SHANK2: variants seen among roughly 807,000 people sequenced by gnomAD.
SHANK2 encodes SH3 and multiple ankyrin repeat domains protein 2.
SHANK2 carries 43 observed loss-of-function variants against 133.7 expected under a neutral mutation model. That is an observed-to-expected ratio of 0.32 (90% CI 0.25 to 0.41). The LOEUF (loss-of-function observed/expected upper bound fraction) is 0.41, where lower values mean the gene tolerates loss of function less well. Ranked by LOEUF, SHANK2 falls within the 10% of genes least tolerant of loss-of-function variation. The probability of loss-of-function intolerance (pLI) is 1.00; values close to 1 mark genes in which losing one functional copy is unlikely to be tolerated. For synonymous variants in SHANK2, 1,017 were observed against 952.8 expected (o/e 1.07, Z -1.24); for missense variants, 1,994 against 2,235.8 (o/e 0.89, Z 2.18).
intron 10 of SHANK2, among the ~76,000 whole-genome samples, chr11:70,939,752 C>A (rs1328379750): frequency 2.6e-5 from 4 of 152,182 alleles, no homozygotes; most frequent in African/African-American, 9.7e-5. Context: ...TGGCTCCTCT[C>A]TTTAGAGGTA....
rs1326542254 is a variant in SHANK2 at position 70,784,353 on chromosome 11, T to G, written c.1777+14090A>C. On this transcript the variant is annotated intron_variant, in intron 14 of 25. Coordinates refer to ENST00000601538, the MANE Select transcript of SHANK2 (RefSeq NM_012309.5). ...CCACCACACCGGCTAGTTTTTTTTT[T>G]TTTTTTTTTTTTTTTTTTTTTTAAG... 3.1e-4 allele frequency among the ~76,000 whole-genome samples: 39 copies of G among 125,290 alleles called. 1 individual carries two copies. The highest frequency in any genetic ancestry group is 1.4e-3 in the Admixed American group (19 of 13,184). The allele number at this position is 125,290 out of a possible 152,430, so 82.2% of individuals were successfully genotyped here. A position where few individuals can be genotyped will look rare whatever the true frequency, so the allele number is the denominator to read the frequency against.
At position 71,102,454 on chromosome 11, in the gene SHANK2, G is replaced by T. The variant is rs375922244; in HGVS notation, c.592+7487C>A. On this transcript the variant is annotated intron_variant, in intron 6 of 25. Transcript: ENST00000601538. ...CCATGTCCAGCCCCAAAACAGGGAC[G>T]CGGGGCCCAGGTCTGCAGGGCCCGG... is the stretch of plus-strand genomic sequence containing the variant. Among the ~76,000 whole-genome samples the T allele has an allele frequency of 3.9e-4, 59 of 152,244 alleles. 1 individual carries two copies. In the East Asian group the frequency reaches 5.0e-3, roughly 13 times the overall value.
At chr11:70,951,133 T>A (rs1950830039) in intron 10 of SHANK2, 1 of 341,040 alleles carries the variant, frequency 2.9e-6, no homozygotes, top group South Asian at 2.2e-5. Context: ...TAAATTCATT[T>A]CCCCTGGCTG....
chr11:71,121,300 C>T (rs1409076043), intron 3 of SHANK2, among the ~76,000 whole-genome samples: 4 of 152,146 alleles, frequency 2.6e-5, no homozygotes, highest in African/African-American at 9.7e-5. Context: ...GAACTGTGCC[C>T]CTCTAAATAA....
At chr11:70,780,889 C>T (rs1371316788) in intron 14 of SHANK2, among the ~76,000 whole-genome samples, 1 of 152,184 alleles carries the variant, frequency 6.6e-6, no homozygotes, top group Non-Finnish European at 1.5e-5. Context: ...GACAGAACTT[C>T]TGTTTCACAA....
At chr11:70,954,346 C>G (rs1437577148) in intron 10 of SHANK2, among the ~76,000 whole-genome samples, 2 of 152,238 alleles carry the variant, frequency 1.3e-5, no homozygotes, top group African/African-American at 4.8e-5. Context: ...CGGACTGTCC[C>G]TCAACCACAC....
chr11:70,741,080 T>C (rs1392225248), intron 14 of SHANK2, among the ~76,000 whole-genome samples: 2 of 152,026 alleles, frequency 1.3e-5, no homozygotes, highest in African/African-American at 4.8e-5. Context: ...ATCCATCTCA[T>C]AAACTGAGCT....
chr11:70,774,605 G>A (rs185787016), intron 14 of SHANK2, among the ~76,000 whole-genome samples: 43 of 152,164 alleles, frequency 2.8e-4, no homozygotes, highest in African/African-American at 9.1e-4. Context: ...GTGAGCCACC[G>A]TGCCTGGTTG....
chr11:71,127,090 G>C (rs1331129476), intron 3 of SHANK2, among the ~76,000 whole-genome samples: 1 of 152,234 alleles, frequency 6.6e-6, no homozygotes, highest in African/African-American at 2.4e-5. Context: ...GGATGACTTT[G>C]AGGGATTCAA....
intron 2 of SHANK2, among the ~76,000 whole-genome samples, chr11:71,216,413 G>A (rs1374024695): frequency 6.6e-6 from 1 of 152,188 alleles, no homozygotes; most frequent in African/African-American, 2.4e-5. Context: ...TCCCAGATGG[G>A]CAAATCCGTA....
At chr11:71,067,042 G>C (rs1334500929) in intron 9 of SHANK2, among the ~76,000 whole-genome samples, 8 of 152,166 alleles carry the variant, frequency 5.3e-5, no homozygotes, top group Admixed American at 3.9e-4. Flanking sequence ...TGCATCTTCT[G>C]GCCTGTATAA....
At chr11:71,165,406 G>A (rs1452831757) in intron 2 of SHANK2, among the ~76,000 whole-genome samples, 3 of 152,142 alleles carry the variant, frequency 2.0e-5, no homozygotes, top group Non-Finnish European at 2.9e-5. Context: ...ACCTCATGGC[G>A]AGAGAATCTC....
chr11:70,907,526 T>C (rs1471248702), intron 10 of SHANK2: 1 of 172,234 alleles, frequency 5.8e-6, no homozygotes, highest in Admixed American at 5.8e-5. Flanking sequence ...ATGACTATCA[T>C]GAGAATTAAA....
chr11:70,747,279 C>G, intron 14 of SHANK2, among the ~76,000 whole-genome samples: 1 of 152,086 alleles, frequency 6.6e-6, no homozygotes, highest in East Asian at 1.9e-4. Context: ...CGGTGCCATG[C>G]TTAGGATTGC....
intron 9 of SHANK2, among the ~76,000 whole-genome samples, chr11:71,058,601 G>A (rs894453986): frequency 1.3e-5 from 2 of 152,228 alleles, no homozygotes; most frequent in South Asian, 2.1e-4. Context: ...GCCTGACACC[G>A]GGCTGGGGGC....
At chr11:70,647,346 G>A (rs1555008698) in intron 17 of SHANK2, 2 of 152,224 alleles carry the variant, frequency 1.3e-5, no homozygotes, top group African/African-American at 2.4e-5. Context: ...TCTAGAATCT[G>A]CATCACAGAA....
chr11:70,513,318 C>T (rs111813732), intron 17 of SHANK2, among the ~76,000 whole-genome samples: 3,772 of 152,200 alleles, frequency 0.025, 54 homozygotes, highest in South Asian at 0.079. Flanking sequence ...GTGTAAACTT[C>T]TCATAGGTCT....
At chr11:71,067,047 G>A (rs1951072497) in intron 9 of SHANK2, among the ~76,000 whole-genome samples, 1 of 152,188 alleles carries the variant, frequency 6.6e-6, no homozygotes, top group African/African-American at 2.4e-5. Context: ...CTTCTGGCCT[G>A]TATAAAGGGA....
intron 14 of SHANK2, among the ~76,000 whole-genome samples, chr11:70,725,390 G>C (rs1946157656): frequency 6.6e-6 from 1 of 152,194 alleles, no homozygotes; most frequent in South Asian, 2.1e-4. Flanking sequence ...TTGGGTACTG[G>C]GACAGGAAGG....
Sources: gnomAD v4.1 joint callset for allele counts (sites outside exome capture counted in the v4.1 genomes callset) on GRCh38, gnomAD v4.1.1 for gene constraint, MANE v1.5 for transcripts, NCBI Gene and HGNC (gene_info 2026-07-23, HGNC 2026-07-21) for gene names.